The following NSMCE2 variants were observed in gnomAD, a reference collection of about 807,000 sequenced individuals.
NSMCE2 encodes NSE2 SUMO ligase component of SMC5/6 complex, also known as E3 SUMO-protein ligase NSE2.
In NSMCE2, 24 loss-of-function variants were observed where a neutral mutation model predicts 23.8. The observed-to-expected ratio is 1.01, with a 90% CI of 0.73 to 1.42. NSMCE2 has a LOEUF of 1.42. Ranked by LOEUF, NSMCE2 falls within the 40% of genes most tolerant of loss-of-function variation. The pLI is 0.00. For synonymous variants in NSMCE2, 92 were observed against 94.1 expected, an observed-to-expected ratio of 0.98 and a Z score of 0.13; for missense variants, 284 against 296.5, an observed-to-expected ratio of 0.96 and a Z score of 0.31.
At chr8:125,340,999 G>A (rs1359250778) in intron 5 of NSMCE2, among the ~76,000 whole-genome samples, 4 of 152,082 alleles carry the variant, frequency 2.6e-5, no homozygotes, top group African/African-American at 4.8e-5. Context: ...CTGCTTACGT[G>A]TTCCCTCACT....
chr8:125,347,816 A>G (rs1185925885), intron 5 of NSMCE2, among the ~76,000 whole-genome samples: 1 of 152,228 alleles, frequency 6.6e-6, no homozygotes, highest in Non-Finnish European at 1.5e-5. Flanking sequence ...TTCACCACGT[A>G]CATAGAATCT....
intron 5 of NSMCE2, among the ~76,000 whole-genome samples, chr8:125,264,431 G>A (rs1489452979): frequency 6.6e-6 from 1 of 152,102 alleles, no homozygotes; most frequent in Non-Finnish European, 1.5e-5. Context: ...TTTTGAAATG[G>A]AGTCTCTCTC....
At chr8:125,249,203 G>A (rs1204991235) in intron 5 of NSMCE2, among the ~76,000 whole-genome samples, 1 of 151,912 alleles carries the variant, frequency 6.6e-6, no homozygotes, top group African/African-American at 2.4e-5. Context: ...AGCCATGAGT[G>A]AAATTCAATC....
intron 5 of NSMCE2, among the ~76,000 whole-genome samples, chr8:125,282,986 G>T (rs1827753021): frequency 6.6e-6 from 1 of 152,226 alleles, no homozygotes; most frequent in East Asian, 1.9e-4. Flanking sequence ...AAGTCATAAA[G>T]CCAAACTGCC....
At chr8:125,261,190 A>G (rs1826675687) in intron 5 of NSMCE2, among the ~76,000 whole-genome samples, 1 of 152,182 alleles carries the variant, frequency 6.6e-6, no homozygotes, top group African/African-American at 2.4e-5. Flanking sequence ...ATTGTTTAAC[A>G]CTTATTGACA....
chr8:125,255,809 G>T (rs917424516), intron 5 of NSMCE2, among the ~76,000 whole-genome samples: 6 of 152,164 alleles, frequency 3.9e-5, no homozygotes, highest in African/African-American at 1.4e-4. Flanking sequence ...CCTTCTATCA[G>T]CAGTGGGGAA....
Position 125,340,017 on chromosome 8 carries a change from T to TG in NSMCE2, c.419-17202_419-17201insG, listed in dbSNP as rs201113980. 2.3e-3 allele frequency among the ~76,000 whole-genome samples: 238 copies of TG among 102,596 alleles called. 1 individual carries two copies. The highest frequency in any genetic ancestry group is 5.0e-3 in the Middle Eastern group (1 of 200). 67.3% of individuals were successfully genotyped at this position (102,596 alleles called of 152,430 possible). The stretch of plus-strand genomic sequence containing the variant: ...CGACGTTGTAGTTTTTTTTTGTTTT[T>TG]TTTTTTTTTTTTTTTGAGACGGAGT... On this transcript the variant is annotated intron_variant, in intron 5 of 7. Transcript: ENST00000287437.
At chr8:125,104,669 C>T (rs545397056) in intron 3 of NSMCE2, among the ~76,000 whole-genome samples, 59 of 152,306 alleles carry the variant, frequency 3.9e-4, no homozygotes, top group African/African-American at 1.3e-3. Context: ...GCATAGCTCC[C>T]TCACTCTCTT....
At chr8:125,235,692 C>G (rs1174116889) in intron 5 of NSMCE2, among the ~76,000 whole-genome samples, 1 of 152,064 alleles carries the variant, frequency 6.6e-6, no homozygotes, top group Non-Finnish European at 1.5e-5. Flanking sequence ...TTTTTATTTC[C>G]TCAAATTGTT....
At chr8:125,305,848 C>T (rs1486248998) in intron 5 of NSMCE2, among the ~76,000 whole-genome samples, 1 of 152,200 alleles carries the variant, frequency 6.6e-6, no homozygotes, top group South Asian at 2.1e-4. Flanking sequence ...TGAGCCTTGC[C>T]CTCACAGAGC....
chr8:125,344,666 C>G (rs1250150276), intron 5 of NSMCE2, among the ~76,000 whole-genome samples: 1 of 151,548 alleles, frequency 6.6e-6, no homozygotes, highest in Non-Finnish European at 1.5e-5. Flanking sequence ...TCGCTTGAAC[C>G]CAGGAGGCAG....
chr8:125,097,092 T>C (rs1817976688), intron 1 of NSMCE2, among the ~76,000 whole-genome samples: 1 of 152,198 alleles, frequency 6.6e-6, no homozygotes, highest in East Asian at 1.9e-4. Context: ...ACAGTGAGAT[T>C]GTAAACAAGC....
chr8:125,119,168 T>G (rs963506872), intron 3 of NSMCE2, among the ~76,000 whole-genome samples: 13 of 152,178 alleles, frequency 8.5e-5, no homozygotes, highest in Non-Finnish European at 1.5e-4. Context: ...CACCTCCTGT[T>G]ACCGTGGAAT....
chr8:125,363,943 G>GT (rs909567174), intron 7 of NSMCE2, among the ~76,000 whole-genome samples: 3 of 150,788 alleles, frequency 2.0e-5, no homozygotes, highest in African/African-American at 4.9e-5. Context: ...CTTTTTTTTT[G>GT]TTTGTTTTGT....
intron 5 of NSMCE2, among the ~76,000 whole-genome samples, chr8:125,269,993 G>C (rs764203382): frequency 6.6e-6 from 1 of 152,136 alleles, no homozygotes; most frequent in Non-Finnish European, 1.5e-5. Flanking sequence ...TGGTTCTTTA[G>C]GACTAGTCTC....
At chr8:125,193,317 C>T (rs1035621464) in intron 5 of NSMCE2, among the ~76,000 whole-genome samples, 9 of 152,070 alleles carry the variant, frequency 5.9e-5, no homozygotes, top group Non-Finnish European at 1.0e-4. Flanking sequence ...ATGTATCTTA[C>T]AAAGAATATA....
intron 5 of NSMCE2, among the ~76,000 whole-genome samples, chr8:125,326,299 C>T (rs1354754922): frequency 6.6e-6 from 1 of 151,978 alleles, no homozygotes; most frequent in African/African-American, 2.4e-5. Flanking sequence ...ATCAAGTCAT[C>T]CTGTATGTGT....
chr8:125,114,607 C>T (rs1362482829), intron 3 of NSMCE2, among the ~76,000 whole-genome samples: 1 of 152,134 alleles, frequency 6.6e-6, no homozygotes, highest in East Asian at 1.9e-4. Flanking sequence ...TGTCACAACT[C>T]GGGGATGCGG....
intron 5 of NSMCE2, among the ~76,000 whole-genome samples, chr8:125,239,915 GAAGT>G (rs1262242336): frequency 3.3e-5 from 5 of 152,110 alleles, no homozygotes; most frequent in Admixed American, 2.6e-4. Context: ...GGTCACCTGA[GAAGT>G]AAGTAAGTGT....
Sources: gnomAD v4.1 joint callset for allele counts (sites outside exome capture counted in the v4.1 genomes callset) on GRCh38, gnomAD v4.1.1 for gene constraint, MANE v1.5 for transcripts, NCBI Gene and HGNC (gene_info 2026-07-23, HGNC 2026-07-21) for gene names.